Variants in RPL13 observed in about 807,000 individuals in gnomAD.
The protein encoded by RPL13 is large ribosomal subunit protein eL13.
Under a neutral mutation model 21.4 loss-of-function variants are expected in RPL13, and 1 was observed. That is an observed-to-expected ratio of 0.05 (90% confidence interval 0.02 to 0.22). The LOEUF is 0.22. Ranked by LOEUF, RPL13 falls within the 10% of genes least tolerant of loss-of-function variation. The probability of loss-of-function intolerance (pLI) is 1.00; values close to 1 mark genes in which losing one functional copy is unlikely to be tolerated. For missense variants in RPL13, 289 were observed against 303.0 expected (o/e 0.95, Z 0.34); for synonymous variants, 143 against 120.5 (o/e 1.19, Z -1.23).
chr16:89,563,120 C>T lies in RPL13; in HGVS notation c.*78C>T. ...GTGTGTTTCGTGGGAACAACTGGGC[C>T]TGGGATGGGGCTTCACTGCTGTGAC... On this transcript the variant is annotated 3_prime_UTR_variant, in exon 6 of 6. Coordinates refer to ENST00000311528, the MANE Select transcript of RPL13 (RefSeq NM_000977.4). The T allele has an allele frequency of 7.5e-7, 1 of 1,331,122 alleles. No individual in the cohort carries two copies. Among genetic ancestry groups the T allele is most frequent in the Non-Finnish European group, 9.8e-7 (1 of 1,018,406 alleles). The allele number at this position is 1,331,122 out of a possible 1,614,324, so 82.5% of individuals were successfully genotyped here.
At chr16:89,565,556 G>A (rs1436146789), downstream of RPL13, 1 of 146,358 alleles carries the variant, frequency 6.8e-6, no homozygotes, top group Non-Finnish European at 1.5e-5. Context: ...TAGTCCCTGG[G>A]GACCGCCTGA....
chr16:89,562,126 TCTCG>T, intron 4 of RPL13: 1 of 614,744 alleles, frequency 1.6e-6, no homozygotes, highest in Non-Finnish European at 2.8e-6. Flanking sequence ...TAGATAACTG[TCTCG>T]TGCGTGTTGC....
At chr16:89,566,539 C>T (rs2058792690), downstream of RPL13, 1 of 152,088 alleles carries the variant, frequency 6.6e-6, no homozygotes. Context: ...TCGCTCACGC[C>T]TATAGTCTCA....
chr16:89,562,517 G>A (rs750498636), intron 5 of RPL13, 126 bp downstream of exon 5: 25 of 855,910 alleles, frequency 2.9e-5, no homozygotes, highest in Non-Finnish European at 4.3e-5. Flanking sequence ...GGGTGTGGAG[G>A]TTTGCGGAAA....
rs962466128 is a variant in RPL13, at chr16:89,563,123, G to T, written c.*81G>T. 6.1e-5 allele frequency: 80 copies of T among 1,317,052 alleles called. No individual in the cohort carries two copies. In the African/African-American group the frequency reaches 1.1e-3, roughly 18 times the overall value. The allele number at this position is 1,317,052 out of a possible 1,614,324, so 81.6% of individuals were successfully genotyped here. ...TGTTTCGTGGGAACAACTGGGCCTGGGATGGGGCTTCACTGCTGTGACTTC... is the reference window on the plus strand; with the variant it reads ...TGTTTCGTGGGAACAACTGGGCCTGTGATGGGGCTTCACTGCTGTGACTTC... On this transcript the variant is annotated 3_prime_UTR_variant, in exon 6 of 6. Coordinates refer to ENST00000311528, the MANE Select transcript of RPL13 (RefSeq NM_000977.4).
intron 5 of RPL13, 135 bp downstream of exon 5, chr16:89,562,526 A>G: frequency 3.9e-6 from 3 of 762,458 alleles, no homozygotes; most frequent in Admixed American, 3.4e-5. Flanking sequence ...GGTTTGCGGA[A>G]AGGAACATTT....
chr16:89,564,093 C>T lies in RPL13; in HGVS notation c.*1051C>T, dbSNP rs1437636822. On this transcript the variant is annotated 3_prime_UTR_variant, in exon 6 of 6. Coordinates refer to ENST00000311528, the MANE Select transcript of RPL13 (RefSeq NM_000977.4). The stretch of plus-strand genomic sequence containing the variant: ...CTAGTCCTACCAGCTCACAGCAGCA[C>T]CTGCTCTCCTTGGCAGCTATGGCCA... The T allele has an allele frequency of 2.0e-5, 3 of 152,330 alleles. No homozygotes were observed. In the East Asian group the frequency reaches 5.8e-4, roughly 29 times the overall value. The allele number at this position is 152,330 out of a possible 1,614,324, so 9.4% of individuals were successfully genotyped here. A position where few individuals can be genotyped will look rare whatever the true frequency, so the allele number is the denominator to read the frequency against.
At chr16:89,566,102 T>A (rs1187631224), downstream of RPL13, 1 of 152,064 alleles carries the variant, frequency 6.6e-6, no homozygotes, top group African/African-American at 2.4e-5. Context: ...AAGCGTTGGT[T>A]TTACGGCAGG....
chr16:89,562,639 C>T (rs1005344592), intron 5 of RPL13: 20 of 576,732 alleles, frequency 3.5e-5, no homozygotes, highest in African/African-American at 5.8e-5. Context: ...TTTCTCTATG[C>T]TGCTTACATT....
At chr16:89,562,808 C>T in intron 5 of RPL13, 76 bp from the exon 6 acceptor site, 2 of 1,433,052 alleles carry the variant, frequency 1.4e-6, no homozygotes, top group Non-Finnish European at 1.8e-6. Flanking sequence ...GGGAGGTCCT[C>T]CAGGTTCTCC....
intron 4 of RPL13, 39 bp downstream of exon 4, chr16:89,561,790 A>G: frequency 1.3e-6 from 2 of 1,599,046 alleles, no homozygotes; most frequent in Non-Finnish European, 1.7e-6. Flanking sequence ...GTGCGCGGGG[A>G]CAGTGAGGCT....
Position 89,563,134 on chromosome 16 carries a change from C to T in RPL13, c.*92C>T. 1 of 1,243,070 alleles carries T rather than the reference C, an allele frequency of 8.0e-7. No homozygotes were observed. Among genetic ancestry groups the T allele is most frequent in the Non-Finnish European group, 1.1e-6 (1 of 945,852 alleles). The allele number at this position is 1,243,070 out of a possible 1,614,324, so 77.0% of individuals were successfully genotyped here. ...AACAACTGGGCCTGGGATGGGGCTT[C>T]ACTGCTGTGACTTCCTCCTGCCAGG... On this transcript the variant is annotated 3_prime_UTR_variant, in exon 6 of 6. Coordinates refer to ENST00000311528, the MANE Select transcript of RPL13 (RefSeq NM_000977.4).
intron 4 of RPL13, 126 bp from the exon 5 acceptor site, chr16:89,562,209 T>C (rs1178997342): frequency 6.1e-6 from 5 of 825,676 alleles, no homozygotes; most frequent in South Asian, 1.5e-5. Flanking sequence ...ACAAAGTGTG[T>C]TGTAGAAAAG....
downstream of RPL13, chr16:89,566,771 T>C (rs1008450110): frequency 4.6e-5 from 7 of 152,180 alleles, 1 homozygote; most frequent in African/African-American, 1.7e-4. Context: ...GTAGTTTCAT[T>C]TGGAATCTGG....
chr16:89,565,086 T>A (rs539269662), downstream of RPL13: 1 of 152,290 alleles, frequency 6.6e-6, no homozygotes, highest in African/African-American at 2.4e-5. Context: ...CCCTCCTCAT[T>A]TCACTGAAAG....
rs183828647 is a variant in RPL13 at position 89,563,959 on chromosome 16, G to C, written c.*917G>C. On this transcript the variant is annotated 3_prime_UTR_variant, in exon 6 of 6. Coordinates refer to ENST00000311528, the MANE Select transcript of RPL13 (RefSeq NM_000977.4). ...GCCATTGTTCTTGCTTCATGGACAA[G>C]AGGCAGCCAGAGAGAGTGCCAGGGT... The C allele has an allele frequency of 3.9e-5, 6 of 152,364 alleles. No homozygotes were observed. The highest frequency in any genetic ancestry group is 1.4e-4 in the African/African-American group (6 of 41,590). 9.4% of individuals were successfully genotyped at this position (152,364 alleles called of 1,614,324 possible).
At chr16:89,562,724 A>G (rs1482394891) in intron 5 of RPL13, 160 bp from the exon 6 acceptor site, 3 of 694,714 alleles carry the variant, frequency 4.3e-6, no homozygotes, top group South Asian at 2.6e-5. Context: ...TTTTTTTTAA[A>G]TCCCAGGGAA....
In RPL13 at chr16:89,563,146, TTC is replaced by T; in HGVS notation, c.*105_*106del. The T allele has an allele frequency of 8.8e-7, 1 of 1,132,154 alleles. No homozygotes were observed. 70.1% of individuals were successfully genotyped at this position (1,132,154 alleles called of 1,614,324 possible). A position where few individuals can be genotyped will look rare whatever the true frequency, so the allele number is the denominator to read the frequency against. On this transcript the variant is annotated 3_prime_UTR_variant, in exon 6 of 6. Coordinates refer to ENST00000311528, the MANE Select transcript of RPL13 (RefSeq NM_000977.4). ...TGGGATGGGGCTTCACTGCTGTGAC[TTC>T]CTCCTGCCAGGGGATTTGGGGCTTT...
chr16:89,561,974 G>A (rs2058748350), intron 4 of RPL13: 5 of 608,138 alleles, frequency 8.2e-6, no homozygotes, highest in South Asian at 2.1e-5. Flanking sequence ...TTCCATTGAC[G>A]TTGCTCTCCC....
Sources: allele counts gnomAD v4.1 joint callset, GRCh38; gene constraint gnomAD v4.1.1; transcripts MANE v1.5; gene names NCBI Gene and HGNC (gene_info 2026-07-23, HGNC 2026-07-21).